ROBO1: variants seen among roughly 807,000 people sequenced by gnomAD.
ROBO1 encodes roundabout homolog 1.
ROBO1 carries 149 observed loss-of-function variants against 195.9 expected under a neutral mutation model. The ratio of observed to expected loss-of-function variants is 0.76; its 90% CI spans 0.67 to 0.87. The LOEUF (loss-of-function observed/expected upper bound fraction) is 0.87, where lower values mean the gene tolerates loss of function less well. ROBO1 is among the 40% of genes least tolerant of loss of function. ROBO1 has a pLI of 0.00. For missense variants in ROBO1, 1,933 were observed against 2,068.3 expected (o/e 0.93, Z 1.27); for synonymous variants, 816 against 733.2 (o/e 1.11, Z -1.82).
At chr3:78,636,349 T>C (rs181883679) in intron 22 of ROBO1, among the ~76,000 whole-genome samples, 193 of 152,290 alleles carry the variant, frequency 1.3e-3, no homozygotes, top group Middle Eastern at 0.01. Context: ...TTTCTGATAG[T>C]GCTGAAGTAA....
chr3:79,471,365 A>G (rs1005443919), intron 2 of ROBO1, among the ~76,000 whole-genome samples: 1 of 152,242 alleles, frequency 6.6e-6, no homozygotes, highest in Admixed American at 6.5e-5. Flanking sequence ...GCAAAGAGAC[A>G]ACCTATAAAA....
At chr3:79,294,057 C>CAAAAA (rs71631641) in intron 2 of ROBO1, among the ~76,000 whole-genome samples, 21 of 28,962 alleles carry the variant, frequency 7.3e-4, no homozygotes, top group Admixed American at 1.3e-3. Flanking sequence ...GACTCCATCT[C>CAAAAA]AAAAAAAAAA....
At chr3:79,514,581 CTG>C (rs1341981500) in intron 2 of ROBO1, among the ~76,000 whole-genome samples, 3 of 152,076 alleles carry the variant, frequency 2.0e-5, no homozygotes, top group African/African-American at 7.2e-5. Flanking sequence ...GGTTTGAAGA[CTG>C]TGAGTTTTTA....
intron 4 of ROBO1, among the ~76,000 whole-genome samples, chr3:78,755,440 T>C (rs2082905390): frequency 6.6e-6 from 1 of 151,984 alleles, no homozygotes; most frequent in African/African-American, 2.4e-5. Flanking sequence ...CACTACTGCA[T>C]TCCAGCCTGA....
chr3:78,848,048 G>A (rs1255526665), intron 4 of ROBO1, among the ~76,000 whole-genome samples: 1 of 151,886 alleles, frequency 6.6e-6, no homozygotes, highest in East Asian at 1.9e-4. Context: ...TGTGTGCTTT[G>A]ATGCTAAGAA....
At chr3:79,519,344 A>C (rs780495274) in intron 2 of ROBO1, among the ~76,000 whole-genome samples, 26 of 152,122 alleles carry the variant, frequency 1.7e-4, no homozygotes, top group Middle Eastern at 3.4e-3. Context: ...CACTATAAGA[A>C]GTGTGGCCGG....
intron 4 of ROBO1, among the ~76,000 whole-genome samples, chr3:78,772,876 T>C (rs1038575525): frequency 8.5e-5 from 13 of 152,102 alleles, no homozygotes; most frequent in African/African-American, 2.7e-4. Context: ...TTGCTTATTA[T>C]ATGGGTGAAC....
At chr3:79,281,240 C>G (rs984377821) in intron 2 of ROBO1, among the ~76,000 whole-genome samples, 8 of 152,036 alleles carry the variant, frequency 5.3e-5, no homozygotes, top group Admixed American at 4.6e-4. Context: ...GCAAAGCAGG[C>G]ATTTGAAAAT....
chr3:79,058,873 T>A (rs182476041), intron 3 of ROBO1, among the ~76,000 whole-genome samples: 1 of 152,104 alleles, frequency 6.6e-6, no homozygotes, highest in Admixed American at 6.6e-5. Context: ...TTCACTTTAA[T>A]CGCTGTTATA....
intron 4 of ROBO1, among the ~76,000 whole-genome samples, chr3:78,855,707 C>T (rs1447955660): frequency 1.3e-5 from 2 of 151,962 alleles, no homozygotes; most frequent in African/African-American, 4.8e-5. Context: ...TGAAGCTTAA[C>T]TTTAAGACTA....
chr3:79,652,703 A>G (rs1184053150), intron 1 of ROBO1, among the ~76,000 whole-genome samples: 1 of 152,008 alleles, frequency 6.6e-6, no homozygotes, highest in East Asian at 1.9e-4. Context: ...TGGTGATGGC[A>G]GTAGTAGTAG....
chr3:79,303,314 C>A (rs901192332), intron 2 of ROBO1, among the ~76,000 whole-genome samples: 1 of 151,872 alleles, frequency 6.6e-6, no homozygotes, highest in Admixed American at 6.6e-5. Context: ...CTAAGGCATG[C>A]GCCACCATGC....
intron 4 of ROBO1, among the ~76,000 whole-genome samples, chr3:78,931,810 A>G (rs1368422491): frequency 6.6e-6 from 1 of 152,058 alleles, no homozygotes; most frequent in South Asian, 2.1e-4. Context: ...CACAAAAAGT[A>G]AAAACAAAAC....
intron 29 of ROBO1, among the ~76,000 whole-genome samples, chr3:78,600,581 A>C (rs150781362): frequency 6.6e-6 from 1 of 152,178 alleles, no homozygotes; most frequent in Non-Finnish European, 1.5e-5. Flanking sequence ...GACCAATATC[A>C]TTAAAAGAGG....
chr3:79,180,801 A>T (rs1559717092), intron 2 of ROBO1, among the ~76,000 whole-genome samples: 2 of 152,104 alleles, frequency 1.3e-5, no homozygotes, highest in Non-Finnish European at 2.9e-5. Flanking sequence ...AGTCAACAAC[A>T]GCTTCTCCAG....
chr3:79,754,415 T>C (rs893209613), intron 1 of ROBO1, among the ~76,000 whole-genome samples: 1 of 152,148 alleles, frequency 6.6e-6, no homozygotes, highest in Non-Finnish European at 1.5e-5. Context: ...ATTTAATAGA[T>C]GCCTGTTGAA....
chr3:79,077,421 A>G (rs1431780783), intron 3 of ROBO1, among the ~76,000 whole-genome samples: 1 of 151,912 alleles, frequency 6.6e-6, no homozygotes, highest in Non-Finnish European at 1.5e-5. Flanking sequence ...ATACATGTAT[A>G]CATCTATATA....
At chr3:78,798,352 G>A (rs1431427598) in intron 4 of ROBO1, among the ~76,000 whole-genome samples, 1 of 152,138 alleles carries the variant, frequency 6.6e-6, no homozygotes, top group Non-Finnish European at 1.5e-5. Context: ...TGGTAGAGCA[G>A]ATGCATCAAA....
chr3:79,763,334 T>C (rs1352923337), intron 1 of ROBO1, among the ~76,000 whole-genome samples: 1 of 151,990 alleles, frequency 6.6e-6, no homozygotes, highest in Non-Finnish European at 1.5e-5. Context: ...GTATATAAGG[T>C]AAAGGCTCAA....
Sources: allele counts gnomAD v4.1 joint callset (sites outside exome capture counted in the v4.1 genomes callset), GRCh38; gene constraint gnomAD v4.1.1; transcripts MANE v1.5; gene names NCBI Gene and HGNC (gene_info 2026-07-23, HGNC 2026-07-21).